LYPD6B: variants seen among roughly 807,000 people sequenced by gnomAD.
LYPD6B encodes the protein LY6/PLAUR domain containing 6B.
Under a neutral mutation model 22.8 loss-of-function variants are expected in LYPD6B, and 17 were observed. The ratio of observed to expected loss-of-function variants is 0.75; its 90% CI spans 0.51 to 1.12. LYPD6B has a LOEUF of 1.12. Among genes scored for constraint, LYPD6B ranks in the 50% most tolerant of loss-of-function variants. LYPD6B has a pLI of 0.00. For synonymous variants in LYPD6B, 106 were observed against 91.6 expected, an observed-to-expected ratio of 1.16 and a Z score of -0.90; for missense variants, 221 against 258.3, an observed-to-expected ratio of 0.86 and a Z score of 0.99.
chr2:149,104,497 T>A (rs1420028290), intron 1 of LYPD6B, among the ~76,000 whole-genome samples: 1 of 152,206 alleles, frequency 6.6e-6, no homozygotes. Flanking sequence ...TGTTAATCAT[T>A]CTTTATGTGT....
chr2:149,111,000 G>A (rs1210337702), intron 1 of LYPD6B, among the ~76,000 whole-genome samples: 1 of 152,170 alleles, frequency 6.6e-6, no homozygotes, highest in Non-Finnish European at 1.5e-5. Flanking sequence ...CTATCTGGTG[G>A]AAGGACACTA....
rs370328408 is a variant in LYPD6B at position 149,141,262 on chromosome 2, A to G, written c.5+10309A>G. Among the ~76,000 whole-genome samples the G allele has an allele frequency of 3.5e-4, 53 of 152,326 alleles. No homozygotes were observed. In the South Asian group the frequency reaches 4.1e-3, roughly 12 times the overall value. ...TGTCTGGGGCAGAGCATTCCAGGAA[A>G]TGGGAACCATGCGTGCAAAGTCCTG... On this transcript the variant is annotated intron_variant, in intron 2 of 6. Coordinates refer to ENST00000409642, the MANE Select transcript of LYPD6B (RefSeq NM_177964.5).
chr2:149,065,303 C>T (rs1445132703), intron 1 of LYPD6B, among the ~76,000 whole-genome samples: 2 of 152,186 alleles, frequency 1.3e-5, no homozygotes, highest in African/African-American at 4.8e-5. Context: ...GGCAGTCTGC[C>T]AAGTTGATCC....
chr2:149,165,872 C>A (rs1185977165), intron 3 of LYPD6B, among the ~76,000 whole-genome samples: 1 of 152,124 alleles, frequency 6.6e-6, no homozygotes, highest in Non-Finnish European at 1.5e-5. Flanking sequence ...GGGGGATTGG[C>A]TATTTAGAGA....
chr2:149,188,500 G>A (rs1525170), intron 3 of LYPD6B, among the ~76,000 whole-genome samples: 125,557 of 152,150 alleles, frequency 0.83, 53,653 homozygotes, highest in South Asian at 0.97. Flanking sequence ...TACTCATTCA[G>A]GATGTGATGA....
chr2:149,214,243 A>G (rs1211936034), intron 6 of LYPD6B, among the ~76,000 whole-genome samples: 4 of 152,126 alleles, frequency 2.6e-5, no homozygotes, highest in Admixed American at 2.0e-4. Context: ...CCTTTAGAAG[A>G]TTTGTGGACT....
chr2:149,175,718 AT>A lies in LYPD6B; in HGVS notation c.77+14898del, dbSNP rs35640623. ...CTATTTTTAAAATTTTTAATTTTTA[AT>A]TTTTTTTTTTTTTTACTTTTTAAAC... On this transcript the variant is annotated intron_variant, in intron 3 of 6. Transcript: ENST00000409642. 2.2e-3 allele frequency among the ~76,000 whole-genome samples: 308 copies of A among 141,166 alleles called. 1 individual carries two copies. Among genetic ancestry groups the A allele is most frequent in the African/African-American group, 6.3e-3 (244 of 38,870 alleles). The allele number at this position is 141,166 out of a possible 152,430, so 92.6% of individuals were successfully genotyped here.
chr2:149,061,443 T>A (rs1684075116), intron 1 of LYPD6B, among the ~76,000 whole-genome samples: 1 of 152,200 alleles, frequency 6.6e-6, no homozygotes, highest in South Asian at 2.1e-4. Flanking sequence ...AGGAATTGCA[T>A]TTTTGGTGGA....
At chr2:149,113,147 C>T (rs1335377828) in intron 1 of LYPD6B, among the ~76,000 whole-genome samples, 1 of 152,142 alleles carries the variant, frequency 6.6e-6, no homozygotes, top group Non-Finnish European at 1.5e-5. Context: ...TTCATCTGCT[C>T]CCTAAGTTGT....
At chr2:149,212,111 C>T (rs1693890480) in intron 5 of LYPD6B, among the ~76,000 whole-genome samples, 1 of 151,810 alleles carries the variant, frequency 6.6e-6, no homozygotes, top group South Asian at 2.1e-4. Flanking sequence ...GGCGCGGTGG[C>T]TCACGCCTGT....
At chr2:149,114,862 C>T (rs559178266) in intron 1 of LYPD6B, among the ~76,000 whole-genome samples, 2 of 152,260 alleles carry the variant, frequency 1.3e-5, no homozygotes, top group South Asian at 2.1e-4. Flanking sequence ...TCCTCATTTT[C>T]CCCCTAGTTA....
intron 1 of LYPD6B, among the ~76,000 whole-genome samples, chr2:149,068,171 G>T (rs1442208533): frequency 6.6e-6 from 1 of 152,174 alleles, no homozygotes; most frequent in African/African-American, 2.4e-5. Context: ...TGTGTTTGAG[G>T]TAGGGCAGGA....
chr2:149,083,873 G>A (rs1470091639), intron 1 of LYPD6B, among the ~76,000 whole-genome samples: 1 of 152,050 alleles, frequency 6.6e-6, no homozygotes. Context: ...TCAGCAGTTC[G>A]AGACCATCCT....
intron 3 of LYPD6B, among the ~76,000 whole-genome samples, chr2:149,202,542 A>C (rs1421426843): frequency 6.6e-6 from 1 of 152,212 alleles, no homozygotes; most frequent in African/African-American, 2.4e-5. Flanking sequence ...CCTGCTATTC[A>C]CCATCGTCTC....
chr2:149,170,316 A>T (rs1690730799), intron 3 of LYPD6B, among the ~76,000 whole-genome samples: 1 of 152,200 alleles, frequency 6.6e-6, no homozygotes, highest in Non-Finnish European at 1.5e-5. Context: ...CAGTGCTGAG[A>T]GGGCTTTCAC....
intron 1 of LYPD6B, among the ~76,000 whole-genome samples, chr2:149,045,111 A>T (rs1396420182): frequency 6.6e-6 from 1 of 152,012 alleles, no homozygotes; most frequent in Non-Finnish European, 1.5e-5. Flanking sequence ...TAGATATAGG[A>T]CTATTCAGAT....
chr2:149,164,629 T>C (rs1312497625), intron 3 of LYPD6B, among the ~76,000 whole-genome samples: 4 of 152,202 alleles, frequency 2.6e-5, no homozygotes, highest in Non-Finnish European at 4.4e-5. Flanking sequence ...TCCCACGATA[T>C]CCCTCTACAA....
intron 1 of LYPD6B, among the ~76,000 whole-genome samples, chr2:149,060,574 T>G (rs1684030409): frequency 6.6e-6 from 1 of 152,188 alleles, no homozygotes; most frequent in Non-Finnish European, 1.5e-5. Flanking sequence ...TTTGTGAGTT[T>G]CCTGGGGTTT....
At chr2:149,170,698 A>G (rs1690758282) in intron 3 of LYPD6B, among the ~76,000 whole-genome samples, 1 of 152,238 alleles carries the variant, frequency 6.6e-6, no homozygotes, top group Non-Finnish European at 1.5e-5. Context: ...GAAAATCAAA[A>G]GAAAGTACTC....
Sources: allele counts gnomAD v4.1 joint callset (sites outside exome capture counted in the v4.1 genomes callset), GRCh38; gene constraint gnomAD v4.1.1; transcripts MANE v1.5; gene names NCBI Gene and HGNC (gene_info 2026-07-23, HGNC 2026-07-21).